SAMD9: variants seen among roughly 807,000 people sequenced by gnomAD.
SAMD9 encodes the protein sterile alpha motif domain containing 9.
In SAMD9, 3 loss-of-function variants were observed where a neutral mutation model predicts 1.5. That is an observed-to-expected ratio of 2.05 (90% CI 0.93 to 5.29). The LOEUF (loss-of-function observed/expected upper bound fraction) is 5.29. Among genes scored for constraint, SAMD9 ranks in the 30% most tolerant of loss-of-function variants. The pLI is 0.02. For missense variants in SAMD9, 1,597 were observed against 1,820.8 expected (o/e 0.88, Z 2.24); for synonymous variants, 635 against 631.9 (o/e 1.00, Z -0.07).
At position 93,100,868 on chromosome 7, in the gene SAMD9, T is replaced by C. The variant is rs149212414; in HGVS notation, c.*460A>G. Reference sequence around the variant, plus strand: ...AGATCCTTGAGTGCCAAGCACATGATACATTGATGATCTGCTTAGTAAGAA... The same window carrying C: ...AGATCCTTGAGTGCCAAGCACATGACACATTGATGATCTGCTTAGTAAGAA... On this transcript the variant is annotated 3_prime_UTR_variant, in exon 3 of 3. Coordinates refer to ENST00000379958, the MANE Select transcript of SAMD9 (RefSeq NM_017654.4). 236 of 196,062 alleles carry C rather than the reference T, an allele frequency of 1.2e-3. 2 individuals are homozygous for C. Among genetic ancestry groups the C allele is most frequent in the Middle Eastern group, 2.3e-3 (1 of 426 alleles). 12.1% of individuals were successfully genotyped at this position (196,062 alleles called of 1,614,324 possible). A position where few individuals can be genotyped will look rare whatever the true frequency, so the allele number is the denominator to read the frequency against.
rs1791570693 is a variant in SAMD9 at position 93,103,345 on chromosome 7, A to G, written c.2753T>C (p.Phe918Ser). 7.4e-6 allele frequency: 12 copies of G among 1,613,588 alleles called. No individual in the cohort carries two copies. The highest frequency in any genetic ancestry group is 9.3e-6 in the Non-Finnish European group (11 of 1,179,640). ...TGAATTAAGAAGAGCCAGAAAAGAAAAGAGCTTTGCTTCCTTGGTGAAAAT... is the reference window on the plus strand; with the variant it reads ...TGAATTAAGAAGAGCCAGAAAAGAAGAGAGCTTTGCTTCCTTGGTGAAAAT... ...QNIFTKEAKL[F>S]SFLALLNSYV... is the part of the protein sequence containing the mutation. Residue 918 changes from phenylalanine to serine, a missense_variant, in exon 3 of 3, where the codon TTT (phenylalanine) becomes TCT (serine). By Grantham distance (155) the Phe-to-Ser change is radical. This residue lies in a region of SAMD9 where 682 missense variants were observed against 810.0 expected (regional missense o/e 0.84). Transcript: ENST00000379958.
intron 2 of SAMD9, among the ~76,000 whole-genome samples, chr7:93,108,699 A>G (rs747158068): frequency 1.3e-5 from 2 of 152,058 alleles, no homozygotes; most frequent in African/African-American, 2.4e-5. Context: ...AGCCTCACTC[A>G]CTGCTAGCAC....
chr7:93,113,622 A>C (rs1404512083), intron 2 of SAMD9, among the ~76,000 whole-genome samples: 1 of 152,234 alleles, frequency 6.6e-6, no homozygotes, highest in Middle Eastern at 3.2e-3. Context: ...AAGCAACCCC[A>C]TCAAAAAGTG....
In SAMD9 at chr7:93,102,653, GATC is replaced by G. The variant is rs1480999305; in HGVS notation, c.3442_3444del (p.Asp1148del). The stretch of plus-strand genomic sequence containing the variant: ...TCTGCTAAATCCAAAAGAGCAATTA[GATC>G]ATCAACTGAAATGTTCCCGTTTCCT... On this transcript the variant is annotated inframe_deletion, in exon 3 of 3. Coordinates refer to ENST00000379958, the MANE Select transcript of SAMD9 (RefSeq NM_017654.4). 1.9e-6 allele frequency: 3 copies of G among 1,613,736 alleles called. No individual in the cohort carries two copies. The highest frequency in any genetic ancestry group is 2.5e-6 in the Non-Finnish European group (3 of 1,179,804).
Position 93,102,270 on chromosome 7 carries a change from G to GA in SAMD9, c.3827dup (p.Leu1277ProfsTer9). 1 of 1,612,962 alleles carries GA rather than the reference G, an allele frequency of 6.2e-7. No homozygotes were observed. The highest frequency in any genetic ancestry group is 8.5e-7 in the Non-Finnish European group (1 of 1,179,164). ...TAATATTGTTCCTGGGTTTTAGCAGGACAAAGTATTCATCAAAAAAATCAA... is the reference window on the plus strand; with the variant it reads ...TAATATTGTTCCTGGGTTTTAGCAGGAACAAAGTATTCATCAAAAAAATCAA... On this transcript the variant is annotated frameshift_variant, in exon 3 of 3. Coordinates refer to ENST00000379958, the MANE Select transcript of SAMD9 (RefSeq NM_017654.4). LOFTEE classifies it low-confidence loss of function (END_TRUNC).
intron 1 of SAMD9, among the ~76,000 whole-genome samples, chr7:93,116,003 C>T (rs1791826630): frequency 6.6e-6 from 1 of 152,168 alleles, no homozygotes; most frequent in African/African-American, 2.4e-5. Flanking sequence ...AAAGTATGCT[C>T]ACTTTTGTTG....
Position 93,103,955 on chromosome 7 carries a change from C to T in SAMD9, c.2143G>A (p.Glu715Lys). Residue 715 changes from glutamate to lysine, a missense_variant, in exon 3 of 3, where the codon GAA (glutamate) becomes AAA (lysine). Around this residue, in one of 6 missense-constraint regions of SAMD9, gnomAD observed 358 missense variants for 460.4 expected, o/e 0.78. Coordinates refer to ENST00000379958, the MANE Select transcript of SAMD9 (RefSeq NM_017654.4). The stretch of plus-strand genomic sequence containing the variant: ...TCTGCACAGTTTTGAATCATTGCTT[C>T]AAGTCTTTCATATTTATCCCTTTTG... ...FVKRDKYERL[E>K]AMIQNCADSS... 1 of 1,613,276 alleles carries T rather than the reference C, an allele frequency of 6.2e-7. No homozygotes were observed. Among genetic ancestry groups the T allele is most frequent in the Non-Finnish European group, 8.5e-7 (1 of 1,179,430 alleles).
chr7:93,103,677 G>A lies in SAMD9; in HGVS notation c.2421C>T (p.Val807=), dbSNP rs1791577698. 6.2e-7 allele frequency: 1 copy of A among 1,613,582 alleles called. No homozygotes were observed. The highest frequency in any genetic ancestry group is 1.1e-5 in the South Asian group (1 of 91,074). Residue 807 remains valine, a synonymous_variant, in exon 3 of 3, where the codon GTC becomes GTT. Coordinates refer to ENST00000379958, the MANE Select transcript of SAMD9 (RefSeq NM_017654.4). ...TTTGAATAGAGTACTGCAGAAGATA[G>A]ACATTATCTTGTTCTTCAAAATCAT... The part of the protein sequence containing the change: ...LVDDFEEQDN[V]YLLQYSIQTA...
In SAMD9 at chr7:93,108,333, C is replaced by T. The variant is rs191573870; in HGVS notation, c.-8-2228G>A. 5.6e-3 allele frequency among the ~76,000 whole-genome samples: 859 copies of T among 152,206 alleles called. 7 individuals are homozygous for T. Among genetic ancestry groups the T allele is most frequent in the Non-Finnish European group, 6.6e-3 (450 of 68,006 alleles). On this transcript the variant is annotated intron_variant, in intron 2 of 2. Coordinates refer to ENST00000379958, the MANE Select transcript of SAMD9 (RefSeq NM_017654.4). ...GGGTGCCGAGTCTAAAGCACAGGGC[C>T]GGGTTCCAAGATGGCTGAATAGGAA...
Position 93,101,896 on chromosome 7 carries a change from G to T in SAMD9, c.4202C>A (p.Thr1401Asn), listed in dbSNP as rs1156660931. 6.2e-7 allele frequency: 1 copy of T among 1,613,822 alleles called. No homozygotes were observed. The highest frequency in any genetic ancestry group is 8.5e-7 in the Non-Finnish European group (1 of 1,179,768). Residue 1401 changes from threonine to asparagine, a missense_variant, in exon 3 of 3, where the codon ACC becomes AAC. Around this residue, in one of 6 missense-constraint regions of SAMD9, gnomAD observed 682 missense variants for 810.0 expected, o/e 0.84. Transcript: ENST00000379958. Reference sequence around the variant, plus strand: ...TTCAACTGGCTTTACTAATCTGGAGGTAGGTTGGATACAGGAGAGAATAAT... The same window carrying T: ...TTCAACTGGCTTTACTAATCTGGAGTTAGGTTGGATACAGGAGAGAATAAT... ...ANIILSCIQP[T>N]SRLVKPVEKL... is the part of the protein sequence containing the mutation.
In SAMD9 at chr7:93,102,069, C is replaced by T. The variant is rs1791540601; in HGVS notation, c.4029G>A (p.Lys1343=). 6.2e-7 allele frequency: 1 copy of T among 1,613,162 alleles called. No homozygotes were observed. The highest frequency in any genetic ancestry group is 2.2e-5 in the East Asian group (1 of 44,860). ...RRNLVALKAD[K]FSGLLEYLIK... The stretch of plus-strand genomic sequence containing the variant: ...TAAGATATTCCAAGAGCCCAGAAAA[C>T]TTGTCTGCTTTTAAAGCTACTAGGT... The change falls in exon 3 of 3, where the codon AAG becomes AAA. Residue 1343 remains lysine, a synonymous_variant. Transcript: ENST00000379958.
chr7:93,113,787 A>T (rs1250150695), intron 2 of SAMD9, among the ~76,000 whole-genome samples: 1 of 152,224 alleles, frequency 6.6e-6, no homozygotes, highest in African/African-American at 2.4e-5. Flanking sequence ...ATCATTAAAA[A>T]GTCAGGAAAC....
rs570202272 is a variant in SAMD9 at position 93,102,402 on chromosome 7, T to C, written c.3696A>G (p.Val1232=). ...CCCCTGGAATATCACTACTTCCTGA[T>C]ACAAAATTGACCATATATCTTTTAG... ...ELSKRYMVNF[V]SGSSDIPGDP... Residue 1232 remains valine (V), a synonymous_variant, in exon 3 of 3, where the codon GTA becomes GTG. Transcript: ENST00000379958. 2.5e-6 allele frequency: 4 copies of C among 1,611,378 alleles called. No individual in the cohort carries two copies. Among genetic ancestry groups the C allele is most frequent in the East Asian group, 4.5e-5 (2 of 44,838 alleles).
chr7:93,108,752 G>A (rs972074768), intron 2 of SAMD9, among the ~76,000 whole-genome samples: 3 of 152,336 alleles, frequency 2.0e-5, no homozygotes, highest in African/African-American at 4.8e-5. Flanking sequence ...AAGCCTGGGG[G>A]AGGGGCGTCC....
In SAMD9 at chr7:93,106,117, AAAAG is replaced by A. The variant is rs1209653100; in HGVS notation, c.-8-16_-8-13del. On this transcript the variant is annotated splice_polypyrimidine_tract_variant and intron_variant, in intron 2 of 2. Transcript: ENST00000379958. ...TGCCATTCTGATACCTATATGTAGA[AAAAG>A]AAAAATTATTTAGTATTATTAAAAG... The A allele has an allele frequency of 6.5e-7, 1 of 1,528,384 alleles. No homozygotes were observed. Among genetic ancestry groups the A allele is most frequent in the African/African-American group, 1.4e-5 (1 of 72,098 alleles). 94.7% of individuals were successfully genotyped at this position (1,528,384 alleles called of 1,614,324 possible).
rs774845704 is a variant in SAMD9, at chr7:93,101,806, G to A, written c.4292C>T (p.Pro1431Leu). Residue 1431 changes from proline (P) to leucine (L), a missense_variant, in exon 3 of 3, where the codon CCG becomes CTG. This residue lies in a region of SAMD9 where 682 missense variants were observed against 810.0 expected (regional missense o/e 0.84). Transcript: ENST00000379958. ...GAATAAGAGGGAAGCTAGAAAATAC[G>A]GTTCTGAAAACTGATAAGTCAGTCC... is the stretch of plus-strand genomic sequence containing the variant. The part of the protein sequence containing the change: ...PIGLTYQFSE[P>L]YFLASLLFWP... 9 of 1,613,584 alleles carry A rather than the reference G, an allele frequency of 5.6e-6. No homozygotes were observed. The highest frequency in any genetic ancestry group is 3.3e-5 in the Admixed American group (2 of 59,962).
At chr7:93,109,518 G>C (rs958057640) in intron 2 of SAMD9, among the ~76,000 whole-genome samples, 1 of 152,210 alleles carries the variant, frequency 6.6e-6, no homozygotes, top group African/African-American at 2.4e-5. Context: ...CTGAGCTAAA[G>C]GAGGATGTTT....
chr7:93,115,673 A>C (rs1032697106), intron 1 of SAMD9, among the ~76,000 whole-genome samples: 2 of 152,226 alleles, frequency 1.3e-5, no homozygotes, highest in Admixed American at 1.3e-4. Flanking sequence ...TGTATTTAAA[A>C]AGCCAATAAT....
Position 93,101,063 on chromosome 7 carries a change from C to G in SAMD9, c.*265G>C, listed in dbSNP as rs1584251016. 4.2e-6 allele frequency: 2 copies of G among 474,742 alleles called. No homozygotes were observed. The highest frequency in any genetic ancestry group is 3.9e-5 in the African/African-American group (2 of 51,132). 29.4% of individuals were successfully genotyped at this position (474,742 alleles called of 1,614,324 possible). On this transcript the variant is annotated 3_prime_UTR_variant, in exon 3 of 3. Transcript: ENST00000379958. ...TACACTAACTTCTCCTGACTCCAGT[C>G]ATAGCTCCTTATTATTTTGTCATCA...
Sources: gnomAD v4.1 joint callset for allele counts (sites outside exome capture counted in the v4.1 genomes callset) on GRCh38, gnomAD v4.1.1 for gene constraint, gnomAD v4.1.1 regional missense constraint, MANE v1.5 for transcripts, NCBI Gene and HGNC (gene_info 2026-07-23, HGNC 2026-07-21) for gene names.